FLG: variants seen among roughly 807,000 people sequenced by gnomAD.
The protein encoded by FLG is filaggrin.
Under a neutral mutation model 3.8 loss-of-function variants are expected in FLG, and 6 were observed. That is an observed-to-expected ratio of 1.60 (90% confidence interval 0.87 to 3.15). The LOEUF is 3.15. Ranked by LOEUF, FLG falls within the 30% of genes most tolerant of loss-of-function variation. The probability of loss-of-function intolerance (pLI) is 0.00; values close to 1 mark genes in which losing one functional copy is unlikely to be tolerated. For missense variants in FLG, 7,595 were observed against 5,050.9 expected, an observed-to-expected ratio of 1.50 and a Z score of -15.27; for synonymous variants, 2,551 against 1,931.6, an observed-to-expected ratio of 1.32 and a Z score of -8.41.
Position 152,308,096 on chromosome 1 carries a change from A to T in FLG, c.6790T>A (p.Ser2264Thr), listed in dbSNP as rs1652106249. ...TGAGCAGATCCATGATGGTTTCTGG[A>T]CGCAGACCCAGACCGCCTCTCAGAA... ...EDSERRSGSASRNHHGSAQEQ... is the reference protein window; with the variant it reads ...EDSERRSGSATRNHHGSAQEQ... Residue 2264 changes from serine (S) to threonine (T), a missense_variant, in exon 3 of 3, where the codon TCC becomes ACC. Ser to Thr is a moderately conservative substitution (Grantham distance 58, BLOSUM62 1). Coordinates refer to ENST00000368799, the MANE Select transcript of FLG (RefSeq NM_002016.2). 4 of 1,613,536 alleles carry T rather than the reference A, an allele frequency of 2.5e-6. No homozygotes were observed. The highest frequency in any genetic ancestry group is 3.4e-6 in the Non-Finnish European group (4 of 1,179,916).
rs1332912239 is a variant in FLG, at chr1:152,315,478, C to T, written c.-21-1G>A. 6.2e-7 allele frequency: 1 copy of T among 1,603,468 alleles called. No homozygotes were observed. The highest frequency in any genetic ancestry group is 8.5e-7 in the Non-Finnish European group (1 of 1,175,218). The stretch of plus-strand genomic sequence containing the variant: ...ACATCTTTTGGCAATAAATGTGAAC[C>T]TAGAAAGAAGAAATGAAAATGCACT... On this transcript the variant is annotated splice_acceptor_variant, in intron 1 of 2. Transcript: ENST00000368799. LOFTEE classifies it low-confidence loss of function (5UTR_SPLICE).
intron 1 of FLG, among the ~76,000 whole-genome samples, chr1:152,322,150 G>T (rs1378175068): frequency 6.6e-6 from 1 of 150,910 alleles, no homozygotes; most frequent in Non-Finnish European, 1.5e-5. Flanking sequence ...ATATTTAATG[G>T]TGAAATGAAA....
In FLG at chr1:152,303,052, T is replaced by C. The variant is rs1335986698; in HGVS notation, c.11834A>G (p.Gln3945Arg). The C allele has an allele frequency of 6.2e-7, 1 of 1,614,210 alleles. No homozygotes were observed. The highest frequency in any genetic ancestry group is 8.5e-7 in the Non-Finnish European group (1 of 1,180,038). ...AGAACTGTGAGGACTGCCACGTGACTGTATTCCTGAGTGATACGCAGAATC... is the reference window on the plus strand; with the variant it reads ...AGAACTGTGAGGACTGCCACGTGACCGTATTCCTGAGTGATACGCAGAATC... ...SQDSAYHSGI[Q>R]SRGSPHSSSS... The change falls in exon 3 of 3, where the codon CAG (glutamine) becomes CGG (arginine). Residue 3945 changes from glutamine (Q) to arginine (R), a missense_variant. By Grantham distance (43) the Gln-to-Arg change is conservative. Transcript: ENST00000368799.
chr1:152,302,953 C>A lies in FLG; in HGVS notation c.11933G>T (p.Ser3978Ile), dbSNP rs763265883. 6 of 1,614,188 alleles carry A rather than the reference C, an allele frequency of 3.7e-6. No individual in the cohort carries two copies. The South Asian group carries it at 6.6e-5, about 18-fold the overall frequency. The change falls in exon 3 of 3, where the codon AGC becomes ATC. Residue 3978 changes from serine (S) to isoleucine (I), a missense_variant. Transcript: ENST00000368799. The stretch of plus-strand genomic sequence containing the variant: ...ATAATCATAATCTGCACTACCATAG[C>A]TGCCATGTCTCCAAACTAAACCTGA... ...GQSGLVWRHG[S>I]YGSADYDYGE...
rs113241501 is a variant in FLG at position 152,307,170 on chromosome 1, G to C, written c.7716C>G (p.Asp2572Glu). The C allele has an allele frequency of 3.8e-4, 610 of 1,612,838 alleles. 20 individuals carry two copies. In the African/African-American group the frequency reaches 5.9e-3, roughly 16 times the overall value. ...NWGSSFSQDS[D>E]SQGHSEDSER... ...CAGAGTCTTCTGAGTGTCCCTGACT[G>C]TCACTGTCCTGGCTAAAACTGGATC... The change falls in exon 3 of 3, where the codon GAC becomes GAG. Residue 2572 changes from aspartate to glutamate, a missense_variant. Transcript: ENST00000368799.
Position 152,307,274 on chromosome 1 carries a change from A to G in FLG, c.7612T>C (p.Ser2538Pro), listed in dbSNP as rs1652039190. The G allele has an allele frequency of 6.2e-7, 1 of 1,612,860 alleles. No homozygotes were observed. Among genetic ancestry groups the G allele is most frequent in the Non-Finnish European group, 8.5e-7 (1 of 1,179,858 alleles). ...TGTCCAGAGCTGTCGGCCCGAGAGG[A>G]AGCTTCATGGTGACGCGACCCTGAG... is the stretch of plus-strand genomic sequence containing the variant. ...RHSGSRHHEASSRADSSGHSQ... is the reference protein window; with the variant it reads ...RHSGSRHHEAPSRADSSGHSQ... The change falls in exon 3 of 3, where the codon TCC becomes CCC. Residue 2538 changes from serine (S) to proline (P), a missense_variant. By Grantham distance (74) the Ser-to-Pro change is moderately conservative. Coordinates refer to ENST00000368799, the MANE Select transcript of FLG (RefSeq NM_002016.2).
At chr1:152,318,935 T>G (rs999258475) in intron 1 of FLG, among the ~76,000 whole-genome samples, 2 of 151,784 alleles carry the variant, frequency 1.3e-5, no homozygotes, top group African/African-American at 2.4e-5. Context: ...GGAGGTTTTG[T>G]GGTAGAGGGG....
rs116222149 is a variant in FLG at position 152,313,395 on chromosome 1, G to A, written c.1491C>T (p.His497=). ...GCCTGGAGCTGTCTCGTGCCTGCTC[G>A]TGGTGCGATCCTTGTCTTCCTCCAG... The part of the protein sequence containing the change: ...TSTGGRQGSH[H]EQARDSSRHS... Residue 497 remains histidine (H), a synonymous_variant, in exon 3 of 3, where the codon CAC becomes CAT. Transcript: ENST00000368799. 8.3e-5 allele frequency: 134 copies of A among 1,612,908 alleles called. 1 individual carries two copies. In the African/African-American group the frequency reaches 1.3e-3, roughly 16 times the overall value.
rs531670104 is a variant in FLG at position 152,308,267 on chromosome 1, C to T, written c.6619G>A (p.Gly2207Arg). The T allele has an allele frequency of 6.2e-7, 1 of 1,612,970 alleles. No homozygotes were observed. The highest frequency in any genetic ancestry group is 8.5e-7 in the Non-Finnish European group (1 of 1,179,218). Residue 2207 changes from glycine to arginine, a missense_variant, in exon 3 of 3, where the codon GGG (glycine) becomes AGG (arginine). Physicochemically the swap from Gly to Arg is moderately radical, Grantham distance 125. Transcript: ENST00000368799. ...EQSGDGSRHS[G>R]SHHHEASSWA... The stretch of plus-strand genomic sequence containing the variant: ...GAGGAAGCTTCATGATGATGCGACC[C>T]TGAGTGCCTAGAGCCATCTCCTGAT...
Position 152,307,519 on chromosome 1 carries a change from TG to T in FLG, c.7366del (p.Gln2456LysfsTer27), listed in dbSNP as rs1448437672. ...ARDSSRHSTS[Q>X]EGQDTIHGHP... ...TCCATGAATGGTGTCCTGACCCTCT[TG>T]GGACGTTGAGTGCCTGGAGCTGTCT... On this transcript the variant is annotated frameshift_variant, in exon 3 of 3. Transcript: ENST00000368799. LOFTEE classifies it low-confidence loss of function (END_TRUNC). The T allele has an allele frequency of 6.2e-7, 1 of 1,613,322 alleles. No homozygotes were observed. The highest frequency in any genetic ancestry group is 2.2e-5 in the East Asian group (1 of 44,742).
rs1465611015 is a variant in FLG at position 152,312,451 on chromosome 1, G to T, written c.2435C>A (p.Pro812His). The T allele has an allele frequency of 4.3e-6, 7 of 1,613,530 alleles. No individual in the cohort carries two copies. The Admixed American group carries it at 6.7e-5, about 15-fold the overall frequency. ...GGATCCTTGTCTTACTCCAGTGCTG[G>T]GCCCTGTCCATCCATGGGAGGACTC... Reference protein sequence around the residue: ...QSESSHGWTGPSTGVRQGSHH... With the variant: ...QSESSHGWTGHSTGVRQGSHH... Residue 812 changes from proline (P) to histidine (H), a missense_variant, in exon 3 of 3, where the codon CCC (proline) becomes CAC (histidine). Coordinates refer to ENST00000368799, the MANE Select transcript of FLG (RefSeq NM_002016.2).
At position 152,307,282 on chromosome 1, in the gene FLG, T is replaced by G. The variant is rs200863973; in HGVS notation, c.7604A>C (p.His2535Pro). The G allele has an allele frequency of 3.1e-5, 50 of 1,613,126 alleles. No homozygotes were observed. The highest frequency in any genetic ancestry group is 4.0e-5 in the Non-Finnish European group (47 of 1,179,948). ...GCTGTCGGCCCGAGAGGAAGCTTCA[T>G]GGTGACGCGACCCTGAGTGCCTGGA... ...DGSRHSGSRH[H>P]EASSRADSSG... The change falls in exon 3 of 3, where the codon CAT (histidine) becomes CCT (proline). Residue 2535 changes from histidine to proline, a missense_variant. Physicochemically the swap from His to Pro is moderately conservative, Grantham distance 77 (BLOSUM62 -2). Coordinates refer to ENST00000368799, the MANE Select transcript of FLG (RefSeq NM_002016.2).
At position 152,310,787 on chromosome 1, in the gene FLG, T is replaced by C; in HGVS notation, c.4099A>G (p.Ser1367Gly). The C allele has an allele frequency of 6.2e-7, 1 of 1,611,976 alleles. No homozygotes were observed. The highest frequency in any genetic ancestry group is 1.1e-5 in the South Asian group (1 of 90,950). The change falls in exon 3 of 3, where the codon AGC becomes GGC. Residue 1367 changes from serine to glycine, a missense_variant. Coordinates refer to ENST00000368799, the MANE Select transcript of FLG (RefSeq NM_002016.2). ...HGSRHQQSAD[S>G]SRHSGIGHRQ... ...TGCCCAATGCCTGAGTGTCTGGAGC[T>C]GTCTGCTGACTGCTGGTGGCGGGAT...
At chr1:152,324,075 A>G (rs2101659947) in intron 1 of FLG, among the ~76,000 whole-genome samples, 1 of 148,446 alleles carries the variant, frequency 6.7e-6, no homozygotes, top group South Asian at 2.3e-4. Flanking sequence ...AACAGGAATC[A>G]TGGATAACTT....
rs150720370 is a variant in FLG, at chr1:152,308,926, C to G, written c.5960G>C (p.Arg1987Pro). The change falls in exon 3 of 3, where the codon CGT (arginine) becomes CCT (proline). Residue 1987 changes from arginine to proline, a missense_variant. Coordinates refer to ENST00000368799, the MANE Select transcript of FLG (RefSeq NM_002016.2). ...TTCATGGGATGACGCAGCCTGTCCA[C>G]GAGAGGAAGACTCTGTGTGACGAGT... Reference protein sequence around the residue: ...SGTRHTESSSRGQAASSHEQA... With the variant: ...SGTRHTESSSPGQAASSHEQA... 41 of 1,614,008 alleles carry G rather than the reference C, an allele frequency of 2.5e-5. No individual in the cohort carries two copies.
chr1:152,320,230 T>C (rs765818062), intron 1 of FLG, among the ~76,000 whole-genome samples: 17 of 151,032 alleles, frequency 1.1e-4, no homozygotes, highest in Non-Finnish European at 2.1e-4. Flanking sequence ...ACAGGTGAGA[T>C]AGTAGAAACC....
Position 152,304,844 on chromosome 1 carries a change from C to T in FLG, c.10042G>A (p.Glu3348Lys). 1 of 1,613,878 alleles carries T rather than the reference C, an allele frequency of 6.2e-7. No individual in the cohort carries two copies. The highest frequency in any genetic ancestry group is 1.7e-5 in the Admixed American group (1 of 59,990). Residue 3348 changes from glutamate (E) to lysine (K), a missense_variant, in exon 3 of 3, where the codon GAA (glutamate) becomes AAA (lysine). Physicochemically the swap from Glu to Lys is moderately conservative, Grantham distance 56. Transcript: ENST00000368799. Reference sequence around the variant, plus strand: ...GACACTGACTGTGTGTCTGACTCTTCTGAATGTCCCTCACTATCACTGGCC... The same window carrying T: ...GACACTGACTGTGTGTCTGACTCTTTTGAATGTCCCTCACTATCACTGGCC... ...SQASDSEGHS[E>K]ESDTQSVSGH...
Position 152,302,922 on chromosome 1 carries a change from T to A in FLG, c.11964A>T (p.Glu3988Asp), listed in dbSNP as rs753237655. Residue 3988 changes from glutamate (E) to aspartate (D), a missense_variant, in exon 3 of 3, where the codon GAA becomes GAT. Transcript: ENST00000368799. Reference protein sequence around the residue: ...SYGSADYDYGESGFRHSQHGS... With the variant: ...SYGSADYDYGDSGFRHSQHGS... ...CGTGCTGAGAGTGTCTAAACCCGGA[T>A]TCACCATAATCATAATCTGCACTAC... 1.9e-6 allele frequency: 3 copies of A among 1,614,184 alleles called. No individual in the cohort carries two copies. The East Asian group carries it at 6.7e-5, about 36-fold the overall frequency.
chr1:152,322,532 T>A (rs1376547659), intron 1 of FLG, among the ~76,000 whole-genome samples: 2 of 150,568 alleles, frequency 1.3e-5, no homozygotes, highest in Non-Finnish European at 3.0e-5. Flanking sequence ...ATCAGAAAAA[T>A]TTTAGGAATA....
Sources: gnomAD v4.1 joint callset for allele counts (sites outside exome capture counted in the v4.1 genomes callset) on GRCh38, gnomAD v4.1.1 for gene constraint, MANE v1.5 for transcripts, NCBI Gene and HGNC (gene_info 2026-07-23, HGNC 2026-07-21) for gene names.